The following TNRC6B variants were observed in gnomAD, a reference collection of about 807,000 sequenced individuals.
TNRC6B encodes trinucleotide repeat containing adaptor 6B, also known as trinucleotide repeat-containing gene 6B protein.
In TNRC6B, 52 loss-of-function variants were observed where a neutral mutation model predicts 203.6. The ratio of observed to expected loss-of-function variants is 0.26; its 90% CI spans 0.20 to 0.32. The LOEUF (loss-of-function observed/expected upper bound fraction) is 0.32, where lower values mean the gene tolerates loss of function less well. Among genes scored for constraint, TNRC6B ranks in the 10% least tolerant of loss-of-function variants. The pLI is 1.00. For synonymous variants in TNRC6B, 838 were observed against 845.7 expected, an observed-to-expected ratio of 0.99 and a Z score of 0.16; for missense variants, 1,923 against 2,286.2, an observed-to-expected ratio of 0.84 and a Z score of 3.24.
In TNRC6B at chr22:40,210,205, C is replaced by T. The variant is rs191688123; in HGVS notation, c.5+32065C>T. Among the ~76,000 whole-genome samples, 13 of 152,102 alleles carry T rather than the reference C, an allele frequency of 8.5e-5. No homozygotes were observed. The East Asian group carries it at 2.3e-3, about 27-fold the overall frequency. On this transcript the variant is annotated intron_variant, in intron 1 of 22. Transcript: ENST00000454349. Reference sequence around the variant, plus strand: ...CCTTCCCCCACCTGAAAGGGTTTAACTATAAAACAGAGATAGAAATATCTG... The same window carrying T: ...CCTTCCCCCACCTGAAAGGGTTTAATTATAAAACAGAGATAGAAATATCTG...
chr22:40,220,703 A>G (rs138028), intron 1 of TNRC6B, among the ~76,000 whole-genome samples: 94,132 of 152,058 alleles, frequency 0.62, 33,565 homozygotes, highest in East Asian at 0.99. Context: ...GATGCACGTA[A>G]AACAGTGGAA....
rs781228937 is a variant in TNRC6B, at chr22:40,331,599, T to A, written c.*8358T>A. ...CTCTCATGGCCTTGAAATGTATTAT[T>A]ATGCAAATGTGAATTTTGATACTGA... On this transcript the variant is annotated 3_prime_UTR_variant, in exon 23 of 23. Coordinates refer to ENST00000454349, the MANE Select transcript of TNRC6B (RefSeq NM_001162501.2). 1.5e-5 allele frequency: 6 copies of A among 390,432 alleles called. No individual in the cohort carries two copies. Among genetic ancestry groups the A allele is most frequent in the Middle Eastern group, 6.4e-4 (1 of 1,568 alleles). The allele number at this position is 390,432 out of a possible 1,614,324, so 24.2% of individuals were successfully genotyped here. A position where few individuals can be genotyped will look rare whatever the true frequency, so the allele number is the denominator to read the frequency against.
intron 1 of TNRC6B, among the ~76,000 whole-genome samples, chr22:40,228,090 C>A (rs2069816546): frequency 6.6e-6 from 1 of 152,140 alleles, no homozygotes; most frequent in Admixed American, 6.6e-5. Context: ...TGGTCTGGCC[C>A]TTAAGGTGTA....
chr22:40,245,413 C>T (rs2070092794), intron 1 of TNRC6B, among the ~76,000 whole-genome samples: 2 of 151,898 alleles, frequency 1.3e-5, no homozygotes, highest in Admixed American at 1.3e-4. Context: ...ATTTATAGGA[C>T]ACTCAGTGCC....
intron 3 of TNRC6B, among the ~76,000 whole-genome samples, chr22:40,149,679 CAA>C (rs58482182): frequency 0.28 from 23,797 of 85,208 alleles, 1,310 homozygotes; most frequent in African/African-American, 0.38. Flanking sequence ...CCTCCCCCGC[CAA>C]AAAAAAAAAA....
At chr22:40,056,810 AAAAAG>A (rs796755979) in intron 1 of TNRC6B, among the ~76,000 whole-genome samples, 1,623 of 151,600 alleles carry the variant, frequency 0.011, 30 homozygotes, top group African/African-American at 0.038. Flanking sequence ...AAAAAAAAAA[AAAAAG>A]AAAGAAAAAT....
chr22:40,314,157 A>C (rs972272399), intron 19 of TNRC6B, among the ~76,000 whole-genome samples: 2 of 152,298 alleles, frequency 1.3e-5, no homozygotes, highest in African/African-American at 4.8e-5. Context: ...ATCACCTCAG[A>C]CTTGTCTAAA....
chr22:40,124,332 T>TC (rs1042216609), intron 2 of TNRC6B, among the ~76,000 whole-genome samples: 1 of 151,156 alleles, frequency 6.6e-6, no homozygotes, highest in African/African-American at 2.4e-5. Flanking sequence ...TTTTTTTTTT[T>TC]TTTTTTTTGA....
intron 2 of TNRC6B, among the ~76,000 whole-genome samples, chr22:40,123,831 ATCTT>A (rs2068464860): frequency 1.3e-5 from 2 of 152,024 alleles, no homozygotes; most frequent in African/African-American, 4.8e-5. Context: ...TACACATAAA[ATCTT>A]TCTGGATAAG....
At chr22:40,211,167 TA>T (rs2069557092) in intron 1 of TNRC6B, among the ~76,000 whole-genome samples, 4 of 152,132 alleles carry the variant, frequency 2.6e-5, no homozygotes, top group Admixed American at 2.6e-4. Flanking sequence ...GGCTGGAGTG[TA>T]GTGGCATGCT....
At chr22:40,150,188 T>C (rs2068737042) in intron 3 of TNRC6B, among the ~76,000 whole-genome samples, 1 of 151,996 alleles carries the variant, frequency 6.6e-6, no homozygotes, top group Non-Finnish European at 1.5e-5. Context: ...CCATCCTGGC[T>C]AACACGGTGA....
chr22:40,214,555 T>TTC (rs2069608849), intron 1 of TNRC6B, among the ~76,000 whole-genome samples: 2 of 151,754 alleles, frequency 1.3e-5, no homozygotes, highest in South Asian at 4.2e-4. Context: ...TGTGGTTTTT[T>TTC]TTTTTATTTT....
rs754335089 is a variant in TNRC6B at position 40,277,983 on chromosome 22, GTTCT to G, written c.3217-13_3217-10del. On this transcript the variant is annotated splice_polypyrimidine_tract_variant and intron_variant, in intron 8 of 22. Coordinates refer to ENST00000454349, the MANE Select transcript of TNRC6B (RefSeq NM_001162501.2). ...GTGCATCCTTAATTCTCTCTCATCTGTTCTTTATTTTCCAGAGTCAGACTGAAGA... is the reference window on the plus strand; with the variant it reads ...GTGCATCCTTAATTCTCTCTCATCTGTTATTTTCCAGAGTCAGACTGAAGA... The G allele has an allele frequency of 4.5e-6, 7 of 1,546,034 alleles. No homozygotes were observed. Among genetic ancestry groups the G allele is most frequent in the Non-Finnish European group, 6.1e-6 (7 of 1,138,906 alleles).
At chr22:40,267,236 G>A (rs972391976) in intron 5 of TNRC6B, among the ~76,000 whole-genome samples, 200 bp downstream of exon 5, 11 of 152,102 alleles carry the variant, frequency 7.2e-5, no homozygotes, top group African/African-American at 2.7e-4. Flanking sequence ...TTCTTTCTTG[G>A]CAAAAGGAAA....
chr22:40,177,883 T>A, upstream of TNRC6B: 1 of 1,320,528 alleles, frequency 7.6e-7, no homozygotes. Context: ...CGAAGTCACA[T>A]GATCTGCCTC....
At chr22:40,280,965 T>C (rs549076569) in intron 10 of TNRC6B, among the ~76,000 whole-genome samples, 154 bp from the exon 11 acceptor site, 1 of 152,364 alleles carries the variant, frequency 6.6e-6, no homozygotes, top group South Asian at 2.1e-4. Flanking sequence ...GGGCCAAGTG[T>C]AAAGATTATT....
chr22:40,088,365 A>G (rs2068118522), intron 1 of TNRC6B, among the ~76,000 whole-genome samples: 1 of 152,164 alleles, frequency 6.6e-6, no homozygotes, highest in African/African-American at 2.4e-5. Context: ...AAGAGCTTCT[A>G]CATATTTTGA....
At chr22:40,165,950 T>C (rs2068915536) in intron 4 of TNRC6B, among the ~76,000 whole-genome samples, 1 of 124,778 alleles carries the variant, frequency 8.0e-6, no homozygotes, top group South Asian at 2.3e-4. Context: ...AGTTATCAGT[T>C]ATTGGGTGGT....
At chr22:40,086,584 T>C (rs2068101212) in intron 1 of TNRC6B, among the ~76,000 whole-genome samples, 1 of 152,200 alleles carries the variant, frequency 6.6e-6, no homozygotes, top group Non-Finnish European at 1.5e-5. Context: ...CAGGAAAGGA[T>C]ATATGGAGGC....
Sources: allele counts gnomAD v4.1 joint callset (sites outside exome capture counted in the v4.1 genomes callset), GRCh38; gene constraint gnomAD v4.1.1; transcripts MANE v1.5; gene names NCBI Gene and HGNC (gene_info 2026-07-23, HGNC 2026-07-21).